The following TENM4 variants were observed in gnomAD, a reference collection of about 807,000 sequenced individuals.
TENM4 encodes the protein teneurin transmembrane protein 4, also known as teneurin-4.
A neutral mutation model predicts 243.3 loss-of-function variants in TENM4; 82 were observed. The observed-to-expected ratio is 0.34, with a 90% CI of 0.28 to 0.40. TENM4 has a LOEUF of 0.40. TENM4 is among the 10% of genes least tolerant of loss of function. The probability of loss-of-function intolerance (pLI) is 1.00; values close to 1 mark genes in which losing one functional copy is unlikely to be tolerated. For missense variants in TENM4, 3,138 were observed against 3,673.3 expected (o/e 0.85, Z 3.77); for synonymous variants, 1,412 against 1,456.3 (o/e 0.97, Z 0.69).
intron 9 of TENM4, among the ~76,000 whole-genome samples, chr11:78,880,936 G>A (rs1855417031): frequency 6.6e-6 from 1 of 152,146 alleles, no homozygotes; most frequent in Non-Finnish European, 1.5e-5. Context: ...AGGGGCATGA[G>A]GGAACTTTTG....
At chr11:78,884,140 A>T (rs1855496407) in intron 9 of TENM4, among the ~76,000 whole-genome samples, 1 of 152,226 alleles carries the variant, frequency 6.6e-6, no homozygotes, top group Non-Finnish European at 1.5e-5. Flanking sequence ...AGTAACCACT[A>T]TTATAATCCT....
At chr11:78,816,484 G>A (rs1857607051) in intron 12 of TENM4, among the ~76,000 whole-genome samples, 1 of 152,190 alleles carries the variant, frequency 6.6e-6, no homozygotes, top group South Asian at 2.1e-4. Context: ...TCAAACAGTG[G>A]GACAGAGAAG....
intron 8 of TENM4, among the ~76,000 whole-genome samples, chr11:78,890,890 C>G (rs986374834): frequency 1.3e-5 from 2 of 152,188 alleles, no homozygotes; most frequent in Non-Finnish European, 2.9e-5. Flanking sequence ...CAAACCCACC[C>G]CTATTGGGGT....
intron 6 of TENM4, among the ~76,000 whole-genome samples, chr11:78,966,915 C>T (rs139183712): frequency 6.6e-6 from 1 of 152,222 alleles, no homozygotes; most frequent in East Asian, 1.9e-4. Flanking sequence ...AGCTCTAGGG[C>T]ACTTTTTGCA....
intron 10 of TENM4, among the ~76,000 whole-genome samples, chr11:78,858,268 ACCC>A (rs1251628254): frequency 6.6e-6 from 1 of 152,032 alleles, no homozygotes; most frequent in African/African-American, 2.4e-5. Context: ...GTTGGCTCTT[ACCC>A]CAGAGGAGGT....
intron 6 of TENM4, among the ~76,000 whole-genome samples, chr11:78,930,783 G>A (rs1565131185): frequency 6.6e-6 from 1 of 152,206 alleles, no homozygotes; most frequent in Non-Finnish European, 1.5e-5. Flanking sequence ...TAAAAAGTAA[G>A]CGGTGTGGAT....
chr11:79,114,161 C>T (rs978398270), intron 4 of TENM4, among the ~76,000 whole-genome samples: 1 of 152,144 alleles, frequency 6.6e-6, no homozygotes, highest in African/African-American at 2.4e-5. Flanking sequence ...GCCAATCTCC[C>T]TCAACATGTA....
intron 4 of TENM4, among the ~76,000 whole-genome samples, chr11:79,138,063 G>A (rs1862146551): frequency 6.6e-6 from 1 of 151,680 alleles, no homozygotes; most frequent in Non-Finnish European, 1.5e-5. Context: ...CACTTAATCT[G>A]GGTGGGCACA....
chr11:78,948,374 CTT>C (rs200520007), intron 6 of TENM4, among the ~76,000 whole-genome samples: 41 of 138,708 alleles, frequency 3.0e-4, no homozygotes, highest in Admixed American at 9.5e-4. Context: ...TCCCAACTGT[CTT>C]TTTTTTTTTT....
chr11:79,060,160 C>A (rs115618274), intron 6 of TENM4, among the ~76,000 whole-genome samples: 1 of 152,216 alleles, frequency 6.6e-6, no homozygotes, highest in Non-Finnish European at 1.5e-5. Flanking sequence ...TATTGCATGC[C>A]GACTGTTCCT....
intron 3 of TENM4, among the ~76,000 whole-genome samples, chr11:79,173,181 C>T (rs148935832): frequency 4.3e-4 from 65 of 152,246 alleles, no homozygotes; most frequent in African/African-American, 1.4e-3. Flanking sequence ...TTTTATCGAC[C>T]AGGCTCAGTC....
At chr11:78,897,769 C>T (rs768426003) in intron 7 of TENM4, among the ~76,000 whole-genome samples, 9 of 152,252 alleles carry the variant, frequency 5.9e-5, no homozygotes, top group Non-Finnish European at 1.0e-4. Context: ...CTGGGGCTGA[C>T]CTGGCCTGCC....
chr11:79,318,378 A>G (rs552447124), intron 1 of TENM4, among the ~76,000 whole-genome samples: 5 of 152,326 alleles, frequency 3.3e-5, no homozygotes, highest in African/African-American at 1.2e-4. Context: ...CTTCCCATCA[A>G]CATTTGTCCA....
intron 16 of TENM4, among the ~76,000 whole-genome samples, chr11:78,781,217 TACCA>T (rs1856832037): frequency 6.6e-6 from 1 of 152,254 alleles, no homozygotes; most frequent in African/African-American, 2.4e-5. Context: ...GATTTTAAAG[TACCA>T]ACTTTTAGAA....
intron 6 of TENM4, among the ~76,000 whole-genome samples, chr11:78,982,665 A>T (rs953541559): frequency 6.6e-6 from 1 of 152,172 alleles, no homozygotes; most frequent in Non-Finnish European, 1.5e-5. Flanking sequence ...GCAACATCCA[A>T]CAATCCAGCC....
In TENM4 at chr11:78,670,440, T is replaced by C. The variant is rs1216209583; in HGVS notation, c.5905A>G (p.Ile1969Val). 6.2e-7 allele frequency: 1 copy of C among 1,614,038 alleles called. No individual in the cohort carries two copies. The highest frequency in any genetic ancestry group is 2.2e-5 in the East Asian group (1 of 44,872). ...PNVARQTLETIRSVGYYRNIY... is the reference protein window; with the variant it reads ...PNVARQTLETVRSVGYYRNIY... The stretch of plus-strand genomic sequence containing the variant: ...TTTCTGTAGTAGCCCACTGAGCGGA[T>C]GGTCTCTAGTGTCTGCCGCGCCACG... The change falls in exon 32 of 34, where the codon ATC becomes GTC. Residue 1969 changes from isoleucine to valine, a missense_variant. Ile to Val is a conservative substitution (Grantham distance 29). This residue lies in a region of TENM4 where 2,467 missense variants were observed against 3,059.1 expected (regional missense o/e 0.81). Transcript: ENST00000278550.
At chr11:79,050,943 G>T (rs1312226879) in intron 6 of TENM4, among the ~76,000 whole-genome samples, 1 of 152,160 alleles carries the variant, frequency 6.6e-6, no homozygotes, top group Non-Finnish European at 1.5e-5. Flanking sequence ...TTAGAGCCAG[G>T]CTGACCAGCT....
chr11:79,115,654 T>A (rs1438454067), intron 4 of TENM4, among the ~76,000 whole-genome samples: 1 of 152,148 alleles, frequency 6.6e-6, no homozygotes, highest in Non-Finnish European at 1.5e-5. Flanking sequence ...GGGTGAGGCT[T>A]CTTAATGTTC....
intron 6 of TENM4, among the ~76,000 whole-genome samples, chr11:79,061,852 T>G (rs1310921646): frequency 6.6e-6 from 1 of 152,174 alleles, no homozygotes. Flanking sequence ...GTTTCCTTAC[T>G]GTGTGCAATG....
Sources: gnomAD v4.1 joint callset for allele counts (sites outside exome capture counted in the v4.1 genomes callset) on GRCh38, gnomAD v4.1.1 for gene constraint, gnomAD v4.1.1 regional missense constraint, MANE v1.5 for transcripts, NCBI Gene and HGNC (gene_info 2026-07-23, HGNC 2026-07-21) for gene names.